GALNT13: variants seen among roughly 807,000 people sequenced by gnomAD.
GALNT13 encodes UDP-GalNAc:polypeptide N-acetylgalactosaminyltransferase 13.
GALNT13 carries 28 observed loss-of-function variants against 64.2 expected under a neutral mutation model. That is an observed-to-expected ratio of 0.44 (90% CI 0.32 to 0.60). GALNT13 has a LOEUF of 0.60. GALNT13 is among the 20% of genes least tolerant of loss of function. GALNT13 has a pLI of 0.05. For missense variants in GALNT13, 577 were observed against 669.8 expected (o/e 0.86, Z 1.53); for synonymous variants, 214 against 224.6 (o/e 0.95, Z 0.42).
At chr2:153,997,424 A>C (rs1007658815) in intron 3 of GALNT13, among the ~76,000 whole-genome samples, 1 of 150,654 alleles carries the variant, frequency 6.6e-6, no homozygotes, top group Non-Finnish European at 1.5e-5. Context: ...TTAGGGGGAT[A>C]TTTTTGGCTA....
At chr2:153,592,699 C>A in the GALNT13 span, among the ~76,000 whole-genome samples, 2 of 152,200 alleles carry the variant, frequency 1.3e-5, no homozygotes, top group East Asian at 3.9e-4. Flanking sequence ...ACCCACAGAC[C>A]CTCTGAAGGA....
At chr2:153,453,379 G>A in the GALNT13 span, among the ~76,000 whole-genome samples, 1 of 152,086 alleles carries the variant, frequency 6.6e-6, no homozygotes. Context: ...TTTCCATAGA[G>A]GCCAAATATC....
At chr2:154,317,059 A>G (rs1436143069) in intron 9 of GALNT13, among the ~76,000 whole-genome samples, 1 of 152,132 alleles carries the variant, frequency 6.6e-6, no homozygotes, top group African/African-American at 2.4e-5. Context: ...CTAAAAATAC[A>G]AAAGTTAGCT....
the GALNT13 span, among the ~76,000 whole-genome samples, chr2:153,361,775 A>G: frequency 6.6e-6 from 1 of 152,184 alleles, no homozygotes; most frequent in African/African-American, 2.4e-5. Context: ...GAAGGAGAGA[A>G]AGGAACCAAG....
the GALNT13 span, among the ~76,000 whole-genome samples, chr2:153,095,067 A>C: frequency 1.3e-5 from 2 of 152,162 alleles, no homozygotes; most frequent in Non-Finnish European, 2.9e-5. Flanking sequence ...GAGCTTCTGC[A>C]CAGCAAAAGA....
chr2:153,093,239 TTC>T, the GALNT13 span, among the ~76,000 whole-genome samples: 7 of 142,612 alleles, frequency 4.9e-5, 2 homozygotes, highest in Non-Finnish European at 7.6e-5. Context: ...TTCTTTTCTT[TTC>T]TTTTTTTTTT....
intron 4 of GALNT13, among the ~76,000 whole-genome samples, chr2:154,180,784 C>G (rs1428203865): frequency 6.6e-6 from 1 of 152,034 alleles, no homozygotes; most frequent in Non-Finnish European, 1.5e-5. Flanking sequence ...GGTCTATATA[C>G]TTAATTTCAT....
chr2:154,210,480 G>A (rs1687699449), intron 4 of GALNT13, among the ~76,000 whole-genome samples: 1 of 152,118 alleles, frequency 6.6e-6, no homozygotes, highest in African/African-American at 2.4e-5. Context: ...AAGCCAGAAA[G>A]ATCCTGACAC....
At chr2:154,144,985 G>A (rs1683480659) in intron 4 of GALNT13, among the ~76,000 whole-genome samples, 1 of 150,206 alleles carries the variant, frequency 6.7e-6, no homozygotes, top group South Asian at 2.1e-4. Context: ...ACAATTAAGG[G>A]CAGATGCCTT....
At chr2:153,362,542 C>A in the GALNT13 span, among the ~76,000 whole-genome samples, 4 of 80,666 alleles carry the variant, frequency 5.0e-5, no homozygotes, top group Admixed American at 1.7e-4. Flanking sequence ...ATTTACCAAG[C>A]AAATGGAGAG....
At position 154,314,841 on chromosome 2, in the gene GALNT13, T is replaced by C. The variant is rs531325311; in HGVS notation, c.1156+13252T>C. 2.2e-4 allele frequency among the ~76,000 whole-genome samples: 33 copies of C among 152,296 alleles called. No individual in the cohort carries two copies. In the South Asian group the frequency reaches 6.0e-3, roughly 28 times the overall value. ...GGGGATCATATTTCAGTATGAGGTTTGGAGTGTCAAATATCCAAACTATAG... is the reference window on the plus strand; with the variant it reads ...GGGGATCATATTTCAGTATGAGGTTCGGAGTGTCAAATATCCAAACTATAG... On this transcript the variant is annotated intron_variant, in intron 9 of 12. Transcript: ENST00000392825.
At chr2:153,891,509 A>G (rs1687551013) in intron 1 of GALNT13, among the ~76,000 whole-genome samples, 1 of 147,922 alleles carries the variant, frequency 6.8e-6, no homozygotes, top group Non-Finnish European at 1.5e-5. Context: ...TATGTCATTT[A>G]TAAGAATTTG....
intron 4 of GALNT13, among the ~76,000 whole-genome samples, chr2:154,217,736 G>A (rs1688120174): frequency 1.3e-5 from 2 of 152,080 alleles, no homozygotes; most frequent in African/African-American, 4.8e-5. Flanking sequence ...CATGCTTATA[G>A]TTATAAAAAG....
At chr2:153,780,260 C>CATATATATATATATATATATATATGCAT in the GALNT13 span, among the ~76,000 whole-genome samples, 102 of 115,208 alleles carry the variant, frequency 8.9e-4, 1 homozygote, top group African/African-American at 3.4e-3. Flanking sequence ...TATATATATG[C>CATATATATATATATATATATATATGCAT]ATATATATAT....
the GALNT13 span, among the ~76,000 whole-genome samples, chr2:153,202,146 G>C: frequency 2.6e-5 from 4 of 151,580 alleles, no homozygotes; most frequent in Middle Eastern, 3.4e-3. Context: ...CACCGCGCCC[G>C]GCTAATTTTT....
At chr2:153,898,196 G>T (rs1197407700) in intron 1 of GALNT13, among the ~76,000 whole-genome samples, 5 of 152,074 alleles carry the variant, frequency 3.3e-5, no homozygotes, top group African/African-American at 1.2e-4. Flanking sequence ...AATCTGACAT[G>T]TTTATTATTC....
At chr2:153,539,617 C>T in the GALNT13 span, among the ~76,000 whole-genome samples, 4 of 151,664 alleles carry the variant, frequency 2.6e-5, no homozygotes, top group African/African-American at 9.7e-5. Context: ...ATATGGCTAG[C>T]CAGTTTTCCC....
the GALNT13 span, among the ~76,000 whole-genome samples, chr2:153,573,558 G>GTGATA: frequency 6.7e-6 from 1 of 149,274 alleles, no homozygotes; most frequent in East Asian, 2.0e-4. Flanking sequence ...ATTTTCTCTG[G>GTGATA]TGATATGATT....
chr2:153,289,686 C>A, the GALNT13 span, among the ~76,000 whole-genome samples: 1 of 152,116 alleles, frequency 6.6e-6, no homozygotes, highest in Non-Finnish European at 1.5e-5. Flanking sequence ...ATTTGAAATA[C>A]AGACTATAGT....
Sources: allele counts gnomAD v4.1 joint callset (sites outside exome capture counted in the v4.1 genomes callset), GRCh38; gene constraint gnomAD v4.1.1; transcripts MANE v1.5; gene names NCBI Gene and HGNC (gene_info 2026-07-23, HGNC 2026-07-21).